TMEM132D: variants seen among roughly 807,000 people sequenced by gnomAD.
TMEM132D encodes the protein mature OL transmembrane protein.
Under a neutral mutation model 62.3 loss-of-function variants are expected in TMEM132D, and 21 were observed. That is an observed-to-expected ratio of 0.34 (90% CI 0.24 to 0.49). TMEM132D has a LOEUF of 0.49. Ranked by LOEUF, TMEM132D falls within the 20% of genes least tolerant of loss-of-function variation. TMEM132D has a pLI of 0.99. For synonymous variants in TMEM132D, 621 were observed against 575.6 expected, an observed-to-expected ratio of 1.08 and a Z score of -1.13; for missense variants, 1,346 against 1,402.8, an observed-to-expected ratio of 0.96 and a Z score of 0.65.
At chr12:129,832,578 A>T (rs1485371246) in intron 1 of TMEM132D, among the ~76,000 whole-genome samples, 1 of 152,114 alleles carries the variant, frequency 6.6e-6, no homozygotes, top group African/African-American at 2.4e-5. Flanking sequence ...GATGATGCAT[A>T]TCTGAGTATT....
intron 2 of TMEM132D, among the ~76,000 whole-genome samples, chr12:129,615,120 G>A (rs192378886): frequency 6.6e-6 from 1 of 152,272 alleles, no homozygotes; most frequent in Admixed American, 6.5e-5. Context: ...GCTATCTACT[G>A]TCACAGGGCA....
intron 3 of TMEM132D, among the ~76,000 whole-genome samples, chr12:129,424,671 A>G (rs7308953): frequency 0.52 from 71,426 of 137,136 alleles, 18,962 homozygotes; most frequent in East Asian, 0.74. Context: ...TCACGCCACT[A>G]CACTCCAGCC....
chr12:129,491,544 C>T (rs966950204), intron 3 of TMEM132D, among the ~76,000 whole-genome samples: 4 of 152,204 alleles, frequency 2.6e-5, no homozygotes, highest in African/African-American at 9.6e-5. Context: ...CCCTTCACTC[C>T]ATGCGGTCAC....
At chr12:129,861,507 T>A (rs1873894780) in intron 1 of TMEM132D, among the ~76,000 whole-genome samples, 1 of 152,178 alleles carries the variant, frequency 6.6e-6, no homozygotes, top group South Asian at 2.1e-4. Context: ...ACGCCTGTAA[T>A]CCCAACAATT....
In TMEM132D at chr12:129,074,682, C is replaced by A. The variant is rs147484227; in HGVS notation, c.2493G>T (p.Ser831=). ...NVSDRRPKKP[S]QEWGSQEGQY... ...GTCCTTCCTGACTCCCCCATTCCTG[C>A]GAGGGTTTTTTGGGCCTTCTGTCAC... Residue 831 remains serine (S), a synonymous_variant, in exon 9 of 9, where the codon TCG becomes TCT. Transcript: ENST00000422113. 1 of 1,614,128 alleles carries A rather than the reference C, an allele frequency of 6.2e-7. No homozygotes were observed. The highest frequency in any genetic ancestry group is 8.5e-7 in the Non-Finnish European group (1 of 1,180,022).
intron 4 of TMEM132D, among the ~76,000 whole-genome samples, chr12:129,320,357 G>C (rs553228983): frequency 3.3e-5 from 5 of 152,308 alleles, no homozygotes; most frequent in Non-Finnish European, 7.4e-5. Flanking sequence ...AGTAGCTACA[G>C]AATAATAATA....
intron 5 of TMEM132D, among the ~76,000 whole-genome samples, chr12:129,187,674 T>C (rs571603959): frequency 3.3e-5 from 5 of 152,334 alleles, no homozygotes; most frequent in African/African-American, 1.2e-4. Context: ...TCTCACCTCC[T>C]TCTAAGAAAT....
At chr12:129,478,546 T>C (rs558956686) in intron 3 of TMEM132D, among the ~76,000 whole-genome samples, 1 of 152,312 alleles carries the variant, frequency 6.6e-6, no homozygotes, top group African/African-American at 2.4e-5. Context: ...CAGTTCAGAA[T>C]ATCCAGCCAA....
intron 3 of TMEM132D, among the ~76,000 whole-genome samples, chr12:129,475,297 G>A (rs1009566598): frequency 8.5e-5 from 13 of 152,096 alleles, no homozygotes; most frequent in African/African-American, 2.7e-4. Context: ...CACTGTGGCC[G>A]GACCTTACTG....
At chr12:129,344,624 C>A (rs1869620149) in intron 3 of TMEM132D, among the ~76,000 whole-genome samples, 1 of 152,126 alleles carries the variant, frequency 6.6e-6, no homozygotes, top group African/African-American at 2.4e-5. Context: ...TTGGAGGCTC[C>A]TCTCAGTAAA....
intron 3 of TMEM132D, among the ~76,000 whole-genome samples, chr12:129,378,843 C>T (rs755220465): frequency 6.0e-4 from 92 of 152,198 alleles, no homozygotes; most frequent in Non-Finnish European, 1.2e-3. Flanking sequence ...GAATGGCGGC[C>T]GTTGACGGTG....
intron 3 of TMEM132D, among the ~76,000 whole-genome samples, chr12:129,347,998 C>T (rs1202606301): frequency 6.6e-6 from 1 of 152,176 alleles, no homozygotes; most frequent in Non-Finnish European, 1.5e-5. Context: ...ATCAAAACCA[C>T]AATGAGATAC....
intron 5 of TMEM132D, among the ~76,000 whole-genome samples, chr12:129,155,530 G>A (rs1877213678): frequency 6.6e-6 from 1 of 152,190 alleles, no homozygotes; most frequent in Non-Finnish European, 1.5e-5. Context: ...TATAACTGAA[G>A]GCTACAGATT....
intron 4 of TMEM132D, among the ~76,000 whole-genome samples, chr12:129,336,980 C>G (rs2135656823): frequency 6.6e-6 from 1 of 152,214 alleles, no homozygotes; most frequent in African/African-American, 2.4e-5. Context: ...AAAATAATAA[C>G]CAGGGAGGCC....
chr12:129,903,128 C>T lies in TMEM132D; in HGVS notation c.79+133G>A. On this transcript the variant is annotated intron_variant, in intron 1 of 8. Transcript: ENST00000422113. This position sits in a 1 kb window ranked among gnomAD's most constrained non-coding sequence, Gnocchi z 6.2. ...GCGCACGTTCACACGCGCGCACACA[C>T]ACATGCACACAAGCGCGCACACACA... 2 of 963,790 alleles carry T rather than the reference C, an allele frequency of 2.1e-6. No individual in the cohort carries two copies. Among genetic ancestry groups the T allele is most frequent in the Non-Finnish European group, 3.1e-6 (2 of 638,166 alleles). 59.7% of individuals were successfully genotyped at this position (963,790 alleles called of 1,614,324 possible). A position where few individuals can be genotyped will look rare whatever the true frequency, so the allele number is the denominator to read the frequency against.
At chr12:129,166,588 C>T (rs1877557835) in intron 5 of TMEM132D, among the ~76,000 whole-genome samples, 2 of 151,558 alleles carry the variant, frequency 1.3e-5, no homozygotes, top group South Asian at 4.2e-4. Context: ...CGAAGTCAAA[C>T]CAAATGTGTA....
chr12:129,418,887 G>A (rs1223508249), intron 3 of TMEM132D, among the ~76,000 whole-genome samples: 2 of 152,064 alleles, frequency 1.3e-5, no homozygotes, highest in African/African-American at 4.8e-5. Context: ...AGAGACACAG[G>A]GCAGAGGGCA....
At chr12:129,808,008 G>A (rs948633228) in intron 1 of TMEM132D, among the ~76,000 whole-genome samples, 7 of 152,138 alleles carry the variant, frequency 4.6e-5, no homozygotes, top group Non-Finnish European at 1.0e-4. Context: ...ATTTTTGCTA[G>A]CAAAACTCAG....
chr12:129,670,945 C>T (rs1015721402), intron 2 of TMEM132D, among the ~76,000 whole-genome samples: 9 of 152,016 alleles, frequency 5.9e-5, no homozygotes, highest in Admixed American at 1.3e-4. Context: ...AGCAGAAGTT[C>T]GCACAATATT....
Sources: allele counts gnomAD v4.1 joint callset (sites outside exome capture counted in the v4.1 genomes callset), GRCh38; gene constraint gnomAD v4.1.1; non-coding constraint Gnocchi (gnomAD v3.1); transcripts MANE v1.5; gene names NCBI Gene and HGNC (gene_info 2026-07-23, HGNC 2026-07-21).